CTBP2: variants seen among roughly 807,000 people sequenced by gnomAD.
CTBP2 encodes C-terminal-binding protein 2.
A neutral mutation model predicts 80.3 loss-of-function variants in CTBP2; 30 were observed. That is an observed-to-expected ratio of 0.37 (90% CI 0.28 to 0.51). The LOEUF (loss-of-function observed/expected upper bound fraction) is 0.51. Among genes scored for constraint, CTBP2 ranks in the 20% least tolerant of loss-of-function variants. CTBP2 has a pLI of 0.93. For synonymous variants in CTBP2, 594 were observed against 587.4 expected, an observed-to-expected ratio of 1.01 and a Z score of -0.16; for missense variants, 1,212 against 1,375.3, an observed-to-expected ratio of 0.88 and a Z score of 1.88.
At chr10:124,990,704 T>C (rs1952492336) in intron 8 of CTBP2, among the ~76,000 whole-genome samples, 1 of 152,234 alleles carries the variant, frequency 6.6e-6, no homozygotes, top group Non-Finnish European at 1.5e-5. Context: ...TTAAAGGTGA[T>C]GACCTTAAGA....
intron 2 of CTBP2, among the ~76,000 whole-genome samples, chr10:125,058,933 C>T (rs1964463765): frequency 6.6e-6 from 1 of 152,086 alleles, no homozygotes; most frequent in African/African-American, 2.4e-5. Context: ...ATCAAGTCTA[C>T]CAAATTCTTC....
intron 1 of CTBP2, among the ~76,000 whole-genome samples, chr10:125,009,576 C>T (rs1474386911): frequency 6.6e-6 from 1 of 152,216 alleles, no homozygotes; most frequent in African/African-American, 2.4e-5. Flanking sequence ...ATGACCCGAT[C>T]CCCACTGGCT....
intron 1 of CTBP2, among the ~76,000 whole-genome samples, chr10:125,113,477 ACTC>A (rs1471829748): frequency 6.6e-6 from 1 of 152,140 alleles, no homozygotes; most frequent in Non-Finnish European, 1.5e-5. Flanking sequence ...CAGAATTTAT[ACTC>A]CTGATTAGTG....
At chr10:125,085,178 G>A (rs1033339036) in intron 2 of CTBP2, among the ~76,000 whole-genome samples, 1 of 152,224 alleles carries the variant, frequency 6.6e-6, no homozygotes, top group African/African-American at 2.4e-5. Flanking sequence ...ATTGCAAACA[G>A]CTGCCGAGTT....
Position 125,003,434 on chromosome 10 carries a change from C to A in CTBP2, c.1737G>T (p.Leu579=), listed in dbSNP as rs749418668. The A allele has an allele frequency of 6.3e-7, 1 of 1,583,930 alleles. No homozygotes were observed. The highest frequency in any genetic ancestry group is 1.4e-5 in the African/African-American group (1 of 72,930). The change falls in exon 2 of 9, where the codon CTG becomes CTT. Residue 579 remains leucine, a synonymous_variant. Coordinates refer to ENST00000309035, the MANE Select transcript of CTBP2 (RefSeq NM_022802.3). ...TCTCCACAGTGCAGTCGCGGCCGTC[C>A]AGCAGCGCCACCAGGGGGCGGGGGT...
chr10:125,049,401 C>A (rs1962164657), intron 2 of CTBP2, among the ~76,000 whole-genome samples: 1 of 152,240 alleles, frequency 6.6e-6, no homozygotes, highest in Non-Finnish European at 1.5e-5. Flanking sequence ...ATAGACCCCA[C>A]ACACGTGCGG....
chr10:125,039,016 T>C, exon 3 of CTBP2: 1 of 1,613,478 alleles, frequency 6.2e-7, no homozygotes, highest in South Asian at 1.1e-5. Context: ...TTCTGTCCAA[T>C]CGCTGTCTCT....
intron 1 of CTBP2, among the ~76,000 whole-genome samples, chr10:125,010,677 A>G (rs1249069091): frequency 6.6e-6 from 1 of 152,172 alleles, no homozygotes; most frequent in African/African-American, 2.4e-5. Flanking sequence ...AAATGATTTA[A>G]CTCAACCTTG....
intron 2 of CTBP2, among the ~76,000 whole-genome samples, chr10:125,103,114 C>T (rs951336114): frequency 1.3e-5 from 2 of 152,184 alleles, no homozygotes; most frequent in Non-Finnish European, 2.9e-5. Flanking sequence ...AGAACATGCA[C>T]ACCTCCCCTG....
intron 1 of CTBP2, among the ~76,000 whole-genome samples, chr10:125,118,205 CTTTCA>C (rs1853662471): frequency 1.1e-4 from 14 of 127,068 alleles, no homozygotes; most frequent in Admixed American, 3.8e-4. Context: ...GCTCTTTCAG[CTTTCA>C]GCTTTTCTAG....
rs114044653 is a variant in CTBP2, at chr10:125,040,972, G to A, written c.-101-1817C>T. On this transcript the variant is annotated intron_variant, in intron 2 of 10. Transcript: ENST00000337195. ...AACGATTGGGAAGTTCCCCCAAAAC[G>A]GGGACTGACCATATCGGATCAGTCA... is the stretch of plus-strand genomic sequence containing the variant. Among the ~76,000 whole-genome samples the A allele has an allele frequency of 3.1e-3, 473 of 152,308 alleles. 2 individuals are homozygous for A. Among genetic ancestry groups the A allele is most frequent in the African/African-American group, 0.011 (455 of 41,560 alleles).
At chr10:125,049,010 T>C (rs3012065) in intron 2 of CTBP2, among the ~76,000 whole-genome samples, 47,453 of 149,722 alleles carry the variant, frequency 0.32, 7,691 homozygotes, top group South Asian at 0.43. Flanking sequence ...TGCACATTAA[T>C]GTGCTCTCTG....
chr10:125,081,105 G>A (rs1429336731), intron 2 of CTBP2, among the ~76,000 whole-genome samples: 1 of 152,112 alleles, frequency 6.6e-6, no homozygotes, highest in African/African-American at 2.4e-5. Flanking sequence ...ACAACAGTGG[G>A]TCCTGAGCAT....
At chr10:125,057,565 C>T (rs1266066686) in intron 2 of CTBP2, among the ~76,000 whole-genome samples, 1 of 152,224 alleles carries the variant, frequency 6.6e-6, no homozygotes, top group East Asian at 1.9e-4. Flanking sequence ...GTGCGTATCC[C>T]TTTTCCAGGC....
In CTBP2 at chr10:125,028,026, A is replaced by G; in HGVS notation, c.-267T>C. On this transcript the variant is annotated 5_prime_UTR_variant, in exon 1 of 9. Transcript: ENST00000309035. ...TCCTTACAGCTCAGTCCCGGAGAGGAGGCTGTCCCCAGCCTGCCAGGTCCC... is the reference window on the plus strand; with the variant it reads ...TCCTTACAGCTCAGTCCCGGAGAGGGGGCTGTCCCCAGCCTGCCAGGTCCC... 1 of 879,310 alleles carries G rather than the reference A, an allele frequency of 1.1e-6. No homozygotes were observed. Among genetic ancestry groups the G allele is most frequent in the Non-Finnish European group, 1.5e-6 (1 of 665,466 alleles). 54.5% of individuals were successfully genotyped at this position (879,310 alleles called of 1,614,324 possible).
chr10:125,119,650 C>T (rs752867189), intron 1 of CTBP2, among the ~76,000 whole-genome samples: 2 of 152,276 alleles, frequency 1.3e-5, no homozygotes, highest in Admixed American at 6.5e-5. Context: ...TTAGTATATA[C>T]GTATATGCAT....
intron 2 of CTBP2, among the ~76,000 whole-genome samples, chr10:125,085,782 T>TTC (rs1847882682): frequency 6.6e-6 from 1 of 152,222 alleles, no homozygotes; most frequent in Non-Finnish European, 1.5e-5. Flanking sequence ...ATCCCCTTGT[T>TTC]TCTGCTCTTA....
intron 2 of CTBP2, among the ~76,000 whole-genome samples, chr10:125,087,185 C>T (rs947549787): frequency 2.6e-5 from 4 of 151,858 alleles, no homozygotes; most frequent in African/African-American, 7.3e-5. Flanking sequence ...AGCGAGTCTC[C>T]CGCCTCAGCC....
chr10:125,146,021 T>A (rs1402531822), intron 1 of CTBP2, among the ~76,000 whole-genome samples: 1 of 152,004 alleles, frequency 6.6e-6, no homozygotes, highest in Admixed American at 6.6e-5. Context: ...CCTCCCAGGT[T>A]CAAGTGATTC....
Sources: allele counts gnomAD v4.1 joint callset (sites outside exome capture counted in the v4.1 genomes callset), GRCh38; gene constraint gnomAD v4.1.1; transcripts MANE v1.5; gene names NCBI Gene and HGNC (gene_info 2026-07-23, HGNC 2026-07-21).